The following ZNF131 variants were observed in gnomAD, a reference collection of about 807,000 sequenced individuals.
ZNF131 encodes the protein zinc finger and BTB domain containing 35.
A neutral mutation model predicts 60.0 loss-of-function variants in ZNF131; 7 were observed. That is an observed-to-expected ratio of 0.12 (90% CI 0.07 to 0.22). The LOEUF is 0.22. Among genes scored for constraint, ZNF131 ranks in the 10% least tolerant of loss-of-function variants. ZNF131 has a pLI of 1.00. For missense variants in ZNF131, 493 were observed against 740.9 expected (o/e 0.67, Z 3.88); for synonymous variants, 257 against 253.2 (o/e 1.01, Z -0.14).
chr5:43,143,897 GCTTTTTTTTTTT>G, intron 4 of ZNF131, among the ~76,000 whole-genome samples: 1 of 68,328 alleles, frequency 1.5e-5, no homozygotes, highest in Non-Finnish European at 2.8e-5. Context: ...TATTGTCAGA[GCTTTTTTTTTTT>G]TTTTTTTTTT....
intron 3 of ZNF131, among the ~76,000 whole-genome samples, chr5:43,131,091 C>T (rs1217680880): frequency 6.6e-6 from 1 of 152,016 alleles, no homozygotes; most frequent in Non-Finnish European, 1.5e-5. Flanking sequence ...TCTTGAACTC[C>T]TGACCTCAGG....
At chr5:43,172,000 C>A (rs1041045982) in intron 5 of ZNF131, among the ~76,000 whole-genome samples, 2 of 152,200 alleles carry the variant, frequency 1.3e-5, no homozygotes, top group African/African-American at 4.8e-5. Context: ...CTGCCTTGGC[C>A]TCCCAAAGTG....
chr5:43,128,365 A>C (rs934475404), intron 3 of ZNF131, among the ~76,000 whole-genome samples: 1 of 152,172 alleles, frequency 6.6e-6, no homozygotes, highest in Non-Finnish European at 1.5e-5. Flanking sequence ...ATAAGTTAGA[A>C]GCACCTGGGA....
intron 4 of ZNF131, among the ~76,000 whole-genome samples, chr5:43,143,953 C>T (rs1413525334): frequency 4.2e-5 from 5 of 119,466 alleles, no homozygotes; most frequent in Admixed American, 3.1e-4. Flanking sequence ...GACGGAGTCT[C>T]GCTCTGTCCC....
Position 43,175,498 on chromosome 5 carries a change from CT to C in ZNF131, c.*367del. The C allele has an allele frequency of 1.4e-6, 1 of 698,810 alleles. No individual in the cohort carries two copies. The highest frequency in any genetic ancestry group is 2.6e-6 in the Non-Finnish European group (1 of 384,028). The allele number at this position is 698,810 out of a possible 1,614,324, so 43.3% of individuals were successfully genotyped here. ...ATTTTTTCCATATTGTAAAATCAAA[CT>C]TAAATCATTAGAATACAAGTTTATG... On this transcript the variant is annotated 3_prime_UTR_variant, in exon 7 of 7. Transcript: ENST00000682664.
intron 5 of ZNF131, among the ~76,000 whole-genome samples, chr5:43,162,621 C>T (rs1472337164): frequency 4.1e-5 from 6 of 147,826 alleles, no homozygotes; most frequent in South Asian, 2.1e-4. Flanking sequence ...GAAAAAAAAG[C>T]GGCCAGGCGC....
intron 3 of ZNF131, among the ~76,000 whole-genome samples, chr5:43,136,448 GAA>G (rs1746096400): frequency 7.8e-6 from 1 of 127,470 alleles, no homozygotes; most frequent in Non-Finnish European, 1.6e-5. Context: ...AATCAATCTT[GAA>G]AAAGAACAAA....
At chr5:43,171,999 C>T (rs764744772) in intron 5 of ZNF131, among the ~76,000 whole-genome samples, 15 of 152,192 alleles carry the variant, frequency 9.9e-5, no homozygotes, top group Non-Finnish European at 1.2e-4. Context: ...TCTGCCTTGG[C>T]CTCCCAAAGT....
At chr5:43,122,896 A>G (rs1744054637) in intron 2 of ZNF131, among the ~76,000 whole-genome samples, 1 of 152,318 alleles carries the variant, frequency 6.6e-6, no homozygotes, top group South Asian at 2.1e-4. Flanking sequence ...TAGCAGTTTC[A>G]ACTGAGTTGG....
chr5:43,173,413 G>A lies in ZNF131; in HGVS notation c.1150G>A (p.Ala384Thr), dbSNP rs866320856. 1 of 1,613,148 alleles carries A rather than the reference G, an allele frequency of 6.2e-7. No individual in the cohort carries two copies. The highest frequency in any genetic ancestry group is 8.5e-7 in the Non-Finnish European group (1 of 1,179,370). The change falls in exon 6 of 7, where the codon GCA becomes ACA. Residue 384 changes from alanine (A) to threonine (T), a missense_variant. This residue lies in a region of ZNF131 where 33 missense variants were observed against 67.9 expected (regional missense o/e 0.49). Coordinates refer to ENST00000682664, the MANE Select transcript of ZNF131 (RefSeq NM_001330707.2). ...HLTACQTGVG[A>T]KKGRKKLYEC... ...CACTGCATGCCAAACTGGAGTAGGG[G>A]CAAAAAAAGGAAGGAAGAAGCTCTA...
chr5:43,141,642 A>C (rs575502701), intron 4 of ZNF131, among the ~76,000 whole-genome samples: 1 of 151,974 alleles, frequency 6.6e-6, no homozygotes, highest in Admixed American at 6.6e-5. Flanking sequence ...GTGGCGTGCA[A>C]CTGTAGTCCC....
At chr5:43,150,031 A>C (rs978520779) in intron 4 of ZNF131, among the ~76,000 whole-genome samples, 1 of 152,206 alleles carries the variant, frequency 6.6e-6, no homozygotes, top group Non-Finnish European at 1.5e-5. Flanking sequence ...AGAAAGCAGC[A>C]TGAGTTCCAT....
intron 5 of ZNF131, among the ~76,000 whole-genome samples, chr5:43,162,295 C>T (rs913530392): frequency 3.3e-5 from 5 of 152,122 alleles, no homozygotes; most frequent in African/African-American, 9.7e-5. Context: ...AGTACATTTA[C>T]AAGCAATCCC....
chr5:43,154,627 GTCCTCT>G (rs1351173178), intron 4 of ZNF131, among the ~76,000 whole-genome samples: 1 of 152,126 alleles, frequency 6.6e-6, no homozygotes, highest in East Asian at 1.9e-4. Flanking sequence ...AAGAAACAGG[GTCCTCT>G]AATTTGTGCC....
At chr5:43,129,846 C>T (rs1246254063) in intron 3 of ZNF131, among the ~76,000 whole-genome samples, 9 of 151,812 alleles carry the variant, frequency 5.9e-5, no homozygotes, top group Admixed American at 3.3e-4. Flanking sequence ...GTAGAGACGG[C>T]GGGGTTTCAC....
chr5:43,166,390 T>C (rs1020312414), intron 5 of ZNF131, among the ~76,000 whole-genome samples: 9 of 152,050 alleles, frequency 5.9e-5, no homozygotes, highest in African/African-American at 2.2e-4. Flanking sequence ...AGACAGAGTC[T>C]TGCTCTGTCG....
In ZNF131 at chr5:43,175,633, T is replaced by G. The variant is rs1177227730; in HGVS notation, c.*500T>G. ...ATTTTGGCTTCTGGCTTTCTTTAGT[T>G]TGAACAAACGTTCTTGTCTACCCCA... On this transcript the variant is annotated 3_prime_UTR_variant, in exon 7 of 7. Coordinates refer to ENST00000682664, the MANE Select transcript of ZNF131 (RefSeq NM_001330707.2). 5.8e-6 allele frequency: 3 copies of G among 514,486 alleles called. No homozygotes were observed. The East Asian group carries it at 1.1e-4, about 18-fold the overall frequency. 31.9% of individuals were successfully genotyped at this position (514,486 alleles called of 1,614,324 possible).
At chr5:43,166,803 C>G (rs911924869) in intron 5 of ZNF131, among the ~76,000 whole-genome samples, 4 of 152,036 alleles carry the variant, frequency 2.6e-5, no homozygotes, top group South Asian at 2.1e-4. Flanking sequence ...TACAGGCACC[C>G]AACACCAGGC....
intron 6 of ZNF131, among the ~76,000 whole-genome samples, 188 bp from the exon 7 acceptor site, chr5:43,174,259 G>A (rs925404576): frequency 6.6e-6 from 1 of 152,212 alleles, no homozygotes; most frequent in Non-Finnish European, 1.5e-5. Flanking sequence ...GTTACTAGCT[G>A]TGTCAGCTAG....
Sources: gnomAD v4.1 joint callset for allele counts (sites outside exome capture counted in the v4.1 genomes callset) on GRCh38, gnomAD v4.1.1 for gene constraint, gnomAD v4.1.1 regional missense constraint, MANE v1.5 for transcripts, NCBI Gene and HGNC (gene_info 2026-07-23, HGNC 2026-07-21) for gene names.